XKR9: variants seen among roughly 807,000 people sequenced by gnomAD.
XKR9 encodes the protein XK related 9.
XKR9 carries 32 observed loss-of-function variants against 32.0 expected under a neutral mutation model. The ratio of observed to expected loss-of-function variants is 1.00; its 90% confidence interval spans 0.76 to 1.34. The LOEUF (loss-of-function observed/expected upper bound fraction) is 1.34, where lower values mean the gene tolerates loss of function less well. Ranked by LOEUF, XKR9 falls within the 40% of genes most tolerant of loss-of-function variation. The pLI is 0.00. For synonymous variants in XKR9, 168 were observed against 143.4 expected (o/e 1.17, Z -1.22); for missense variants, 546 against 429.7 (o/e 1.27, Z -2.39).
At chr8:70,873,717 A>G in the XKR9 span, among the ~76,000 whole-genome samples, 1 of 152,252 alleles carries the variant, frequency 6.6e-6, no homozygotes, top group Non-Finnish European at 1.5e-5. Flanking sequence ...TGCTGTAAAC[A>G]TCATTGAAAT....
chr8:70,898,202 G>A, the XKR9 span, among the ~76,000 whole-genome samples: 4 of 152,066 alleles, frequency 2.6e-5, no homozygotes. Context: ...TGGCTTCTTT[G>A]TCAAAAATGA....
chr8:70,730,173 AT>A (rs1395415860), intron 4 of XKR9, among the ~76,000 whole-genome samples: 2 of 152,106 alleles, frequency 1.3e-5, no homozygotes, highest in Non-Finnish European at 2.9e-5. Flanking sequence ...TTTCCCTGCC[AT>A]TTACCCAAAG....
chr8:70,755,658 G>C (rs2130194409), intron 2 of XKR9, among the ~76,000 whole-genome samples: 1 of 147,994 alleles, frequency 6.8e-6, no homozygotes, highest in Non-Finnish European at 1.5e-5. Context: ...CTATCGGAAG[G>C]ACAAAAAACC....
rs191930978 is a variant in XKR9, at chr8:70,742,298, C to T, written n.352+35145C>T. Among the ~76,000 whole-genome samples the T allele has an allele frequency of 7.7e-3, 1,170 of 152,270 alleles. 4 individuals carry two copies. Among genetic ancestry groups the T allele is most frequent in the Middle Eastern group, 0.014 (4 of 294 alleles). On this transcript the variant is annotated intron_variant and non_coding_transcript_variant, in intron 2 of 3. Coordinates refer to the XKR9 transcript ENST00000520273. ...ACTCTTTTAGGAGGTAGGAAATCTTCGGTTTACCTTGGGCACATGATTCTT... is the reference window on the plus strand; with the variant it reads ...ACTCTTTTAGGAGGTAGGAAATCTTTGGTTTACCTTGGGCACATGATTCTT...
At chr8:70,764,071 G>A (rs1043772485) in intron 2 of XKR9, among the ~76,000 whole-genome samples, 2 of 152,144 alleles carry the variant, frequency 1.3e-5, no homozygotes, top group African/African-American at 2.4e-5. Flanking sequence ...TTATTGATGA[G>A]CTCTCCTTGC....
the XKR9 span, among the ~76,000 whole-genome samples, chr8:70,908,008 T>C: frequency 1.3e-5 from 2 of 152,220 alleles, no homozygotes; most frequent in Non-Finnish European, 1.5e-5. Context: ...AATTTACTCT[T>C]AATTCGTTGA....
the XKR9 span, among the ~76,000 whole-genome samples, chr8:71,005,595 C>T: frequency 6.6e-6 from 1 of 152,132 alleles, no homozygotes; most frequent in Non-Finnish European, 1.5e-5. Flanking sequence ...ATTTCATGAA[C>T]TGCAAGAAAA....
At chr8:70,781,707 T>A (rs958103990) in intron 2 of XKR9, among the ~76,000 whole-genome samples, 5 of 152,146 alleles carry the variant, frequency 3.3e-5, no homozygotes, top group Admixed American at 2.6e-4. Flanking sequence ...AGCATTTTTT[T>A]AATATACCTG....
chr8:70,855,578 C>T, the XKR9 span, among the ~76,000 whole-genome samples: 2 of 152,208 alleles, frequency 1.3e-5, no homozygotes, highest in Admixed American at 6.5e-5. Context: ...GGAGAACTTC[C>T]CCAATCTAGG....
At chr8:70,832,092 C>T in the XKR9 span, among the ~76,000 whole-genome samples, 8 of 152,190 alleles carry the variant, frequency 5.3e-5, no homozygotes, top group African/African-American at 1.9e-4. Flanking sequence ...TGATAGCCAT[C>T]TATTCACTGA....
At chr8:71,004,423 G>A in the XKR9 span, among the ~76,000 whole-genome samples, 1 of 152,170 alleles carries the variant, frequency 6.6e-6, no homozygotes, top group Non-Finnish European at 1.5e-5. Context: ...GTTGGCTTGG[G>A]GGATATAAAG....
intron 1 of XKR9, among the ~76,000 whole-genome samples, chr8:70,669,999 G>A (rs1245563443): frequency 6.6e-6 from 1 of 152,200 alleles, no homozygotes; most frequent in Non-Finnish European, 1.5e-5. Flanking sequence ...ATAGTGGTAA[G>A]ACATATTTAC....
At chr8:70,730,564 A>G (rs1293972357) in intron 4 of XKR9, among the ~76,000 whole-genome samples, 1 of 147,380 alleles carries the variant, frequency 6.8e-6, no homozygotes, top group African/African-American at 2.5e-5. Flanking sequence ...AGTGTTTTAA[A>G]GAGATGGTAA....
the XKR9 span, among the ~76,000 whole-genome samples, chr8:70,847,846 A>G: frequency 6.6e-6 from 1 of 152,088 alleles, no homozygotes; most frequent in Non-Finnish European, 1.5e-5. Context: ...TCCAACAAAG[A>G]AAAGCCCTGG....
chr8:71,051,526 GGGGTGTGT>G, the XKR9 span, among the ~76,000 whole-genome samples: 49 of 105,268 alleles, frequency 4.7e-4, no homozygotes, highest in South Asian at 1.1e-3. Flanking sequence ...TGGTGGTGGT[GGGGTGTGT>G]GTGTGTGTGT....
At chr8:70,754,112 A>T (rs1807182648) in intron 2 of XKR9, among the ~76,000 whole-genome samples, 1 of 143,502 alleles carries the variant, frequency 7.0e-6, no homozygotes, top group Admixed American at 8.2e-5. Flanking sequence ...GCATTCTTAT[A>T]CACCAATAAC....
At chr8:70,756,530 GTTTC>G (rs1189396770) in intron 2 of XKR9, among the ~76,000 whole-genome samples, 1 of 152,014 alleles carries the variant, frequency 6.6e-6, no homozygotes, top group Non-Finnish European at 1.5e-5. Flanking sequence ...TAGATGTTTT[GTTTC>G]TTTCAACAAT....
At chr8:70,791,590 A>G (rs1005291428), downstream of XKR9, among the ~76,000 whole-genome samples, 2 of 151,640 alleles carry the variant, frequency 1.3e-5, no homozygotes, top group Non-Finnish European at 2.9e-5. Context: ...TGTTCTTTCC[A>G]TCCCTCTTTC....
At chr8:70,702,006 T>G (rs1301143782) in intron 3 of XKR9, among the ~76,000 whole-genome samples, 1 of 152,186 alleles carries the variant, frequency 6.6e-6, no homozygotes, top group Non-Finnish European at 1.5e-5. Flanking sequence ...ATAAAAAGTT[T>G]AAATTCTATA....
Sources: allele counts gnomAD v4.1 joint callset (sites outside exome capture counted in the v4.1 genomes callset), GRCh38; gene constraint gnomAD v4.1.1; transcripts MANE v1.5; gene names NCBI Gene and HGNC (gene_info 2026-07-23, HGNC 2026-07-21).